Variants in TSHZ2 observed in about 807,000 individuals in gnomAD.
TSHZ2 encodes teashirt zinc finger homeobox 2, also known as teashirt homolog 2.
TSHZ2 carries 21 observed loss-of-function variants against 74.4 expected under a neutral mutation model. The ratio of observed to expected loss-of-function variants is 0.28; its 90% confidence interval spans 0.20 to 0.41. The LOEUF is 0.41. Among genes scored for constraint, TSHZ2 ranks in the 10% least tolerant of loss-of-function variants. TSHZ2 has a pLI of 1.00. For synonymous variants in TSHZ2, 540 were observed against 515.3 expected (o/e 1.05, Z -0.65); for missense variants, 1,244 against 1,293.5 (o/e 0.96, Z 0.59).
At chr20:53,055,072 A>G (rs771099934) in intron 1 of TSHZ2, among the ~76,000 whole-genome samples, 8 of 152,150 alleles carry the variant, frequency 5.3e-5, no homozygotes, top group Non-Finnish European at 1.2e-4. Flanking sequence ...GCTGAACTTG[A>G]TCTGTGGGCT....
chr20:53,485,864 G>T (rs73137972), intron 2 of TSHZ2, among the ~76,000 whole-genome samples: 13,242 of 152,184 alleles, frequency 0.087, 633 homozygotes, highest in East Asian at 0.17. Context: ...TTATGTATAT[G>T]TATTTCTAAT....
chr20:53,160,102 C>T (rs1271135100), intron 1 of TSHZ2, among the ~76,000 whole-genome samples: 1 of 152,038 alleles, frequency 6.6e-6, no homozygotes, highest in Non-Finnish European at 1.5e-5. Flanking sequence ...ATAGTAGGCC[C>T]TAGGAAATTC....
chr20:53,176,614 G>T, intron 1 of TSHZ2, among the ~76,000 whole-genome samples: 1 of 152,028 alleles, frequency 6.6e-6, no homozygotes, highest in African/African-American at 2.4e-5. Context: ...AAGAGTAACA[G>T]GATATTAGTG....
At chr20:53,436,639 G>A (rs768318379) in intron 2 of TSHZ2, among the ~76,000 whole-genome samples, 2 of 147,802 alleles carry the variant, frequency 1.4e-5, no homozygotes, top group Admixed American at 6.9e-5. Flanking sequence ...TCCGCCTCCC[G>A]GGTTCAAGCA....
At chr20:53,007,568 A>G (rs911573049) in intron 1 of TSHZ2, among the ~76,000 whole-genome samples, 1 of 152,086 alleles carries the variant, frequency 6.6e-6, no homozygotes, top group Admixed American at 6.6e-5. Context: ...TAGAAGATAC[A>G]GGGGAATGAT....
intron 1 of TSHZ2, among the ~76,000 whole-genome samples, chr20:53,155,648 G>T (rs1197537658): frequency 6.6e-6 from 1 of 152,026 alleles, no homozygotes. Flanking sequence ...ACTTTGGGAA[G>T]ACCCACTCTG....
rs2145844150 is a variant in TSHZ2 at position 53,474,754 on chromosome 20, A to G, written c.*9-12390A>G. Among the ~76,000 whole-genome samples, 2 of 129,182 alleles carry G rather than the reference A, an allele frequency of 1.5e-5. 1 individual carries two copies. Among genetic ancestry groups the G allele is most frequent in the South Asian group, 5.5e-4 (2 of 3,650 alleles). The allele number at this position is 129,182 out of a possible 152,430, so 84.7% of individuals were successfully genotyped here. On this transcript the variant is annotated intron_variant, in intron 2 of 2. Coordinates refer to ENST00000371497, the MANE Select transcript of TSHZ2 (RefSeq NM_173485.6). Reference sequence around the variant, plus strand: ...CAAGACCCATCAGTGTGCTGTATTCAGGAAACCCATCTCAAGTGCAGAGAC... The same window carrying G: ...CAAGACCCATCAGTGTGCTGTATTCGGGAAACCCATCTCAAGTGCAGAGAC...
At chr20:53,268,374 G>A (rs1990761287) in intron 2 of TSHZ2, among the ~76,000 whole-genome samples, 1 of 152,096 alleles carries the variant, frequency 6.6e-6, no homozygotes, top group Non-Finnish European at 1.5e-5. Context: ...TGAACTTTGG[G>A]ACCTGAGATG....
intron 2 of TSHZ2, among the ~76,000 whole-genome samples, chr20:53,294,051 C>T (rs1991331575): frequency 6.6e-6 from 1 of 152,084 alleles, no homozygotes; most frequent in Admixed American, 6.6e-5. Context: ...AATAACAGGT[C>T]CTGATTTGCC....
intron 1 of TSHZ2, among the ~76,000 whole-genome samples, chr20:53,226,038 G>T (rs932129382): frequency 6.6e-6 from 1 of 151,200 alleles, no homozygotes; most frequent in Non-Finnish European, 1.5e-5. Flanking sequence ...ACATGTATAT[G>T]ATAAAGTATG....
At chr20:53,045,165 T>C (rs985573692) in intron 1 of TSHZ2, among the ~76,000 whole-genome samples, 11 of 152,152 alleles carry the variant, frequency 7.2e-5, no homozygotes, top group Non-Finnish European at 2.9e-5. Context: ...GGACTCCAGA[T>C]GACTAGAGCA....
chr20:53,008,145 G>A (rs1000678567), intron 1 of TSHZ2, among the ~76,000 whole-genome samples: 11 of 152,100 alleles, frequency 7.2e-5, no homozygotes, highest in African/African-American at 2.7e-4. Flanking sequence ...AGAGTGTTGA[G>A]CATGATTTTC....
intron 1 of TSHZ2, among the ~76,000 whole-genome samples, chr20:53,241,540 A>G (rs1990071177): frequency 6.6e-6 from 1 of 152,190 alleles, no homozygotes; most frequent in East Asian, 1.9e-4. Context: ...ATTGAGAATA[A>G]TGTTAGGAGC....
intron 1 of TSHZ2, among the ~76,000 whole-genome samples, chr20:53,052,438 C>T (rs955818765): frequency 2.6e-5 from 4 of 152,160 alleles, no homozygotes; most frequent in Admixed American, 1.3e-4. Context: ...TTATGTGCTC[C>T]TTATGAGGAT....
At chr20:53,322,629 G>A (rs1054791381) in intron 2 of TSHZ2, among the ~76,000 whole-genome samples, 7 of 152,124 alleles carry the variant, frequency 4.6e-5, no homozygotes, top group Non-Finnish European at 8.8e-5. Flanking sequence ...CTCCTCTTGA[G>A]CCAGTGACAA....
At chr20:53,058,236 C>T (rs1172304423) in intron 1 of TSHZ2, among the ~76,000 whole-genome samples, 1 of 152,150 alleles carries the variant, frequency 6.6e-6, no homozygotes, top group Non-Finnish European at 1.5e-5. Context: ...AGGCCACAGT[C>T]TCGTACTGGT....
intron 2 of TSHZ2, among the ~76,000 whole-genome samples, chr20:53,258,885 C>T (rs1181743096): frequency 6.6e-6 from 1 of 152,170 alleles, no homozygotes; most frequent in Non-Finnish European, 1.5e-5. Context: ...GTTTGGGACT[C>T]ACTCAAAGCC....
At chr20:53,205,086 A>G (rs970645623) in intron 1 of TSHZ2, among the ~76,000 whole-genome samples, 2 of 149,472 alleles carry the variant, frequency 1.3e-5, no homozygotes, top group South Asian at 2.1e-4. Context: ...GGGAGACTCC[A>G]TCTCAAAAAA....
chr20:53,473,006 A>G (rs1414701643), intron 2 of TSHZ2, among the ~76,000 whole-genome samples: 2 of 151,590 alleles, frequency 1.3e-5, no homozygotes, highest in East Asian at 2.0e-4. Context: ...GGAGGGTCCT[A>G]CGCCCACGGA....
Sources: gnomAD v4.1 joint callset for allele counts (sites outside exome capture counted in the v4.1 genomes callset) on GRCh38, gnomAD v4.1.1 for gene constraint, MANE v1.5 for transcripts, NCBI Gene and HGNC (gene_info 2026-07-23, HGNC 2026-07-21) for gene names.